The following RANBP2 variants were observed in gnomAD, a reference collection of about 807,000 sequenced individuals.
The protein encoded by RANBP2 is RAN binding protein 2.
RANBP2 carries 57 observed loss-of-function variants against 303.6 expected under a neutral mutation model. The observed-to-expected ratio is 0.19, with a 90% CI of 0.15 to 0.23. The LOEUF is 0.23. Ranked by LOEUF, RANBP2 falls within the 10% of genes least tolerant of loss-of-function variation. The pLI, the probability that RANBP2 is intolerant of heterozygous loss-of-function variation, is 1.00. For missense variants in RANBP2, 3,138 were observed against 3,780.8 expected, an observed-to-expected ratio of 0.83 and a Z score of 4.46; for synonymous variants, 1,167 against 1,301.5, an observed-to-expected ratio of 0.90 and a Z score of 2.23.
chr2:108,806,583 G>A, the RANBP2 span, among the ~76,000 whole-genome samples: 1 of 152,092 alleles, frequency 6.6e-6, no homozygotes, highest in East Asian at 1.9e-4. Context: ...CTCTTTCAGT[G>A]ACCCAGCTCT....
the RANBP2 span, chr2:109,490,712 G>T: frequency 1.3e-6 from 2 of 1,534,520 alleles, no homozygotes; most frequent in Non-Finnish European, 1.7e-6. Flanking sequence ...AGGTGGCCGT[G>T]GACGCCCTGC....
At chr2:109,130,092 C>T in the RANBP2 span, 1 of 1,353,704 alleles carries the variant, frequency 7.4e-7, no homozygotes, top group Non-Finnish European at 9.5e-7. Context: ...TGGCGACCAG[C>T]AGGACCGCGC....
the RANBP2 span, among the ~76,000 whole-genome samples, chr2:108,957,376 T>C: frequency 1.8e-3 from 279 of 152,352 alleles, 1 homozygote; most frequent in African/African-American, 6.4e-3. Flanking sequence ...GTTTAGGAAG[T>C]CGGGGGCAGG....
intron 8 of RANBP2, among the ~76,000 whole-genome samples, chr2:108,747,252 T>C (rs1696586140): frequency 6.6e-6 from 1 of 152,172 alleles, no homozygotes; most frequent in Non-Finnish European, 1.5e-5. Context: ...AATTTGTGGA[T>C]TTTTTCCCCC....
intron 17 of RANBP2, among the ~76,000 whole-genome samples, chr2:108,758,161 C>T (rs924032181): frequency 2.0e-5 from 3 of 151,952 alleles, no homozygotes; most frequent in Non-Finnish European, 4.4e-5. Context: ...GCCAGGCGTG[C>T]TGGCTGACGC....
the RANBP2 span, among the ~76,000 whole-genome samples, chr2:108,893,238 TAGAAGTACACCTTCTAAC>T: frequency 2.0e-5 from 3 of 152,226 alleles, no homozygotes; most frequent in Non-Finnish European, 2.9e-5. Context: ...CAAATCTCAG[TAGAAGTACACCTTCTAAC>T]AGAATAATAC....
At chr2:109,205,870 T>C in the RANBP2 span, among the ~76,000 whole-genome samples, 2 of 152,198 alleles carry the variant, frequency 1.3e-5, no homozygotes, top group Non-Finnish European at 2.9e-5. Context: ...CCTTTCCGCT[T>C]CCTGTTTTTT....
chr2:109,351,241 C>T, the RANBP2 span, among the ~76,000 whole-genome samples: 15 of 152,182 alleles, frequency 9.9e-5, no homozygotes, highest in Admixed American at 2.0e-4. Flanking sequence ...GCCAGTCACC[C>T]GGGAGGGGCT....
the RANBP2 span, among the ~76,000 whole-genome samples, chr2:109,603,636 A>C: frequency 6.6e-6 from 1 of 152,192 alleles, no homozygotes; most frequent in Admixed American, 6.5e-5. Context: ...CTTGCAATTT[A>C]AATCTTAGTA....
chr2:109,282,596 A>G, the RANBP2 span, among the ~76,000 whole-genome samples: 4 of 152,330 alleles, frequency 2.6e-5, no homozygotes, highest in Admixed American at 2.6e-4. Context: ...AACGGCGCAC[A>G]GAGCCAATGC....
At position 108,784,073 on chromosome 2, in the gene RANBP2, A is replaced by G. The variant is rs2149337075; in HGVS notation, c.*172A>G. ...TTTAATGTGTTATAATTGACCTTGC[A>G]TGGTGTGAAATAAAAGTTTAAACAC... On this transcript the variant is annotated 3_prime_UTR_variant, in exon 29 of 29. Transcript: ENST00000283195. The G allele has an allele frequency of 3.1e-6, 2 of 636,564 alleles. No individual in the cohort carries two copies. Among genetic ancestry groups the G allele is most frequent in the East Asian group, 2.8e-5 (1 of 35,400 alleles). 39.4% of individuals were successfully genotyped at this position (636,564 alleles called of 1,614,324 possible).
the RANBP2 span, among the ~76,000 whole-genome samples, chr2:109,176,830 G>A: frequency 3.9e-5 from 6 of 152,176 alleles, no homozygotes; most frequent in Non-Finnish European, 7.4e-5. Context: ...TATGTGACAC[G>A]GCATTGTTGA....
At chr2:108,794,861 C>T in the RANBP2 span, 1 of 656,746 alleles carries the variant, frequency 1.5e-6, no homozygotes, top group Non-Finnish European at 2.5e-6. Flanking sequence ...GGGACAAACT[C>T]AAATTATAGG....
chr2:109,198,969 T>G, the RANBP2 span, among the ~76,000 whole-genome samples: 2 of 152,126 alleles, frequency 1.3e-5, no homozygotes, highest in African/African-American at 4.8e-5. Context: ...GTATATGCAG[T>G]CATCATGGAC....
chr2:109,393,086 C>A, the RANBP2 span, among the ~76,000 whole-genome samples: 658 of 152,338 alleles, frequency 4.3e-3, 2 homozygotes, highest in African/African-American at 0.015. Context: ...AGGGGAAGCT[C>A]CTGAGATGTC....
chr2:109,679,765 C>A, the RANBP2 span, among the ~76,000 whole-genome samples: 1 of 152,148 alleles, frequency 6.6e-6, no homozygotes, highest in Non-Finnish European at 1.5e-5. Flanking sequence ...AAACAGAATG[C>A]AAGGGAGGAA....
At chr2:109,443,896 T>C in the RANBP2 span, among the ~76,000 whole-genome samples, 25 of 152,332 alleles carry the variant, frequency 1.6e-4, no homozygotes, top group Admixed American at 5.2e-4. Flanking sequence ...CTTGACTTAG[T>C]TGACGTTTGT....
At chr2:109,304,352 G>T in the RANBP2 span, among the ~76,000 whole-genome samples, 1 of 152,152 alleles carries the variant, frequency 6.6e-6, no homozygotes, top group Admixed American at 6.5e-5. Context: ...TTGTTTTCCT[G>T]TGACTGGCTT....
the RANBP2 span, chr2:109,553,371 CCT>C: frequency 1.5e-6 from 1 of 659,724 alleles, no homozygotes; most frequent in Admixed American, 3.1e-5. Context: ...ATAGTGAAAC[CCT>C]GTCTCTACAA....
Sources: gnomAD v4.1 joint callset for allele counts (sites outside exome capture counted in the v4.1 genomes callset) on GRCh38, gnomAD v4.1.1 for gene constraint, MANE v1.5 for transcripts, NCBI Gene and HGNC (gene_info 2026-07-23, HGNC 2026-07-21) for gene names.